UGT1A7: variants seen among roughly 807,000 people sequenced by gnomAD.
The protein encoded by UGT1A7 is UDP glucuronosyltransferase family 1 member A7.
Under a neutral mutation model 45.6 loss-of-function variants are expected in UGT1A7, and 33 were observed. That is an observed-to-expected ratio of 0.72 (90% CI 0.55 to 0.97). The LOEUF (loss-of-function observed/expected upper bound fraction) is 0.97, where lower values mean the gene tolerates loss of function less well. UGT1A7 is among the 50% of genes least tolerant of loss of function. The probability of loss-of-function intolerance (pLI) is 0.00; values close to 1 mark genes in which losing one functional copy is unlikely to be tolerated. For missense variants in UGT1A7, 684 were observed against 666.2 expected, an observed-to-expected ratio of 1.03 and a Z score of -0.29; for synonymous variants, 274 against 250.6, an observed-to-expected ratio of 1.09 and a Z score of -0.88.
At chr2:233,735,095 T>A (rs2078606910) in intron 1 of UGT1A7, among the ~76,000 whole-genome samples, 2 of 152,186 alleles carry the variant, frequency 1.3e-5, no homozygotes, top group South Asian at 4.1e-4. Context: ...TGTTGAACTG[T>A]CTAATATCGA....
chr2:233,758,000 G>A (rs956611939), intron 1 of UGT1A7, among the ~76,000 whole-genome samples: 37 of 152,052 alleles, frequency 2.4e-4, no homozygotes, highest in Admixed American at 5.2e-4. Context: ...GTAATTGCCT[G>A]GTCATGAGTT....
At chr2:233,699,047 A>G (rs1251021035) in intron 1 of UGT1A7, among the ~76,000 whole-genome samples, 4 of 152,180 alleles carry the variant, frequency 2.6e-5, no homozygotes, top group Non-Finnish European at 1.5e-5. Context: ...ATGTCCTGAA[A>G]CAACTTATCC....
At chr2:233,767,959 A>G in intron 3 of UGT1A7, 23 bp downstream of exon 3, 1 of 1,614,218 alleles carries the variant, frequency 6.2e-7, no homozygotes, top group Non-Finnish European at 8.5e-7. Flanking sequence ...GATTGGATGT[A>G]TAGGTCAAAC....
rs2077098328 is a variant in UGT1A7, at chr2:233,723,542, AT to A, written c.855+40757del. ...TTTTTTTTTTTTTTTTTTTTAATTT[AT>A]TTTTTTATTGATAATTCTTGGGTGT... On this transcript the variant is annotated intron_variant, in intron 1 of 4. Coordinates refer to ENST00000373426, the MANE Select transcript of UGT1A7 (RefSeq NM_019077.3). 4.0e-5 allele frequency among the ~76,000 whole-genome samples: 3 copies of A among 74,540 alleles called. No individual in the cohort carries two copies. The East Asian group carries it at 1.2e-3, about 29-fold the overall frequency. 48.9% of individuals were successfully genotyped at this position (74,540 alleles called of 152,430 possible).
chr2:233,769,558 G>A lies in UGT1A7; in HGVS notation c.1295+1119G>A. On this transcript the variant is annotated intron_variant, in intron 4 of 4. Coordinates refer to ENST00000373426, the MANE Select transcript of UGT1A7 (RefSeq NM_019077.3). This position sits in a 1 kb window ranked among gnomAD's most constrained non-coding sequence, Gnocchi z 4.4. ...AGAAGCAGCAGTCAGGAAGACAGAT[G>A]TGAAGAGCTGGAGCATGTTCAGATG... 2 of 1,612,872 alleles carry A rather than the reference G, an allele frequency of 1.2e-6. No individual in the cohort carries two copies. The highest frequency in any genetic ancestry group is 1.7e-6 in the Non-Finnish European group (2 of 1,179,832).
intron 1 of UGT1A7, chr2:233,729,074 T>C: frequency 1.2e-6 from 2 of 1,611,804 alleles, no homozygotes; most frequent in Non-Finnish European, 1.7e-6. Flanking sequence ...AGAAAGCAAA[T>C]GTAGCAGGCA....
At chr2:233,751,176 G>A (rs1694660149) in intron 1 of UGT1A7, among the ~76,000 whole-genome samples, 1 of 151,990 alleles carries the variant, frequency 6.6e-6, no homozygotes, top group Non-Finnish European at 1.5e-5. Flanking sequence ...CTAGATATGA[G>A]ACATGAAGTT....
chr2:233,690,761 A>G, intron 1 of UGT1A7: 3 of 731,274 alleles, frequency 4.1e-6, no homozygotes, highest in Non-Finnish European at 5.1e-6. Context: ...GTGCAGACAT[A>G]CACACACACA....
chr2:233,725,210 A>C (rs1180169749), intron 1 of UGT1A7, among the ~76,000 whole-genome samples: 3 of 88,436 alleles, frequency 3.4e-5, no homozygotes, highest in African/African-American at 2.8e-4. Flanking sequence ...AGGCAGAGGC[A>C]GAGGCAGAGG....
At chr2:233,760,506 T>A in intron 1 of UGT1A7, 1 of 1,614,180 alleles carries the variant, frequency 6.2e-7, no homozygotes, top group Non-Finnish European at 8.5e-7. Flanking sequence ...ACGGAGCATT[T>A]TACACCTTGA....
At chr2:233,682,936 T>A in intron 1 of UGT1A7, 144 bp downstream of exon 1, 1 of 1,440,140 alleles carries the variant, frequency 6.9e-7, no homozygotes, top group Non-Finnish European at 9.2e-7. Context: ...CCAATTCACT[T>A]AATTGTTGGG....
chr2:233,725,586 A>C (rs1194596370), intron 1 of UGT1A7, among the ~76,000 whole-genome samples: 1 of 152,166 alleles, frequency 6.6e-6, no homozygotes, highest in Non-Finnish European at 1.5e-5. Flanking sequence ...TTATGACTTA[A>C]CTATTTGACA....
rs1699345789 is a variant in UGT1A7 at position 233,767,247 on chromosome 2, C to T, written c.987+82C>T. 3.2e-5 allele frequency: 52 copies of T among 1,603,298 alleles called. No individual in the cohort carries two copies. In the South Asian group the frequency reaches 5.5e-4, roughly 17 times the overall value. ...GACTTCCAGCTTCCAGATTAATTCTCTTAATTGGAACCTTAGATTTGGCTT... is the reference window on the plus strand; with the variant it reads ...GACTTCCAGCTTCCAGATTAATTCTTTTAATTGGAACCTTAGATTTGGCTT... On this transcript the variant is annotated intron_variant, in intron 2 of 4. Coordinates refer to ENST00000373426, the MANE Select transcript of UGT1A7 (RefSeq NM_019077.3).
intron 1 of UGT1A7, chr2:233,729,303 G>T: frequency 6.2e-7 from 1 of 1,614,236 alleles, no homozygotes; most frequent in South Asian, 1.1e-5. Context: ...ACCAGGCAGT[G>T]GTCCTCACCC....
intron 1 of UGT1A7, chr2:233,742,966 C>G: frequency 4.5e-6 from 1 of 219,782 alleles, no homozygotes; most frequent in Non-Finnish European, 9.2e-6. Context: ...TTGTCTGCCT[C>G]AGGCTTAAGT....
chr2:233,724,353 C>T (rs2077234748), intron 1 of UGT1A7, among the ~76,000 whole-genome samples: 1 of 148,076 alleles, frequency 6.8e-6, no homozygotes, highest in African/African-American at 2.5e-5. Flanking sequence ...CCCCCCACCT[C>T]CCTCCCGGAC....
chr2:233,718,959 G>T (rs2076705502), intron 1 of UGT1A7: 9 of 1,614,212 alleles, frequency 5.6e-6, no homozygotes, highest in Non-Finnish European at 7.6e-6. Flanking sequence ...CATGCGGGAG[G>T]CCTTGCGGGA....
At chr2:233,698,678 A>G (rs1465077839) in intron 1 of UGT1A7, among the ~76,000 whole-genome samples, 1 of 152,248 alleles carries the variant, frequency 6.6e-6, no homozygotes, top group East Asian at 1.9e-4. Context: ...CAACTATAAA[A>G]CAAATACATT....
chr2:233,757,798 G>T (rs1696723883), intron 1 of UGT1A7, among the ~76,000 whole-genome samples: 1 of 151,794 alleles, frequency 6.6e-6, no homozygotes, highest in Non-Finnish European at 1.5e-5. Flanking sequence ...TTGATGAAAG[G>T]AGATGAAAGG....
Sources: allele counts gnomAD v4.1 joint callset (sites outside exome capture counted in the v4.1 genomes callset), GRCh38; gene constraint gnomAD v4.1.1; non-coding constraint Gnocchi (gnomAD v3.1); transcripts MANE v1.5; gene names NCBI Gene and HGNC (gene_info 2026-07-23, HGNC 2026-07-21).